AGPAT3: variants seen among roughly 807,000 people sequenced by gnomAD.
The protein encoded by AGPAT3 is 1-acyl-sn-glycerol-3-phosphate acyltransferase gamma.
Under a neutral mutation model 47.3 loss-of-function variants are expected in AGPAT3, and 5 were observed. The ratio of observed to expected loss-of-function variants is 0.11; its 90% CI spans 0.06 to 0.22. The LOEUF is 0.22. Ranked by LOEUF, AGPAT3 falls within the 10% of genes least tolerant of loss-of-function variation. The pLI, the probability that AGPAT3 is intolerant of heterozygous loss-of-function variation, is 1.00. For missense variants in AGPAT3, 315 were observed against 493.0 expected, an observed-to-expected ratio of 0.64 and a Z score of 3.42; for synonymous variants, 212 against 208.3, an observed-to-expected ratio of 1.02 and a Z score of -0.15.
intron 1 of AGPAT3, chr21:43,867,879 G>A (rs964756252): frequency 2.6e-5 from 4 of 151,908 alleles, no homozygotes; most frequent in African/African-American, 7.3e-5. Context: ...TTGGTTAACC[G>A]AAGAGTGTTT....
chr21:43,942,317 G>A (rs1243600818), intron 2 of AGPAT3, among the ~76,000 whole-genome samples: 2 of 152,216 alleles, frequency 1.3e-5, no homozygotes, highest in African/African-American at 2.4e-5. Flanking sequence ...ATGGCACCAC[G>A]GGTCCAGGGA....
intron 1 of AGPAT3, among the ~76,000 whole-genome samples, chr21:43,873,137 G>A (rs1273036129): frequency 6.6e-6 from 1 of 152,186 alleles, no homozygotes; most frequent in Non-Finnish European, 1.5e-5. Context: ...TGCACCTGCC[G>A]TGTGCTTCCC....
At position 43,984,273 on chromosome 21, in the gene AGPAT3, C is replaced by T. The variant is rs1337705046; in HGVS notation, c.*1881C>T. 1 of 152,312 alleles carries T rather than the reference C, an allele frequency of 6.6e-6. No individual in the cohort carries two copies. Among genetic ancestry groups the T allele is most frequent in the Non-Finnish European group, 1.5e-5 (1 of 68,108 alleles). 9.4% of individuals were successfully genotyped at this position (152,312 alleles called of 1,614,324 possible). On this transcript the variant is annotated 3_prime_UTR_variant, in exon 10 of 10. Transcript: ENST00000291572. ...GGCATGCGCTCCCCTGGCTGAGCAC[C>T]CCAGAGATTCTCCTGCACCTTCCTC...
At chr21:43,948,516 G>C (rs2088019912) in intron 2 of AGPAT3, among the ~76,000 whole-genome samples, 1 of 152,044 alleles carries the variant, frequency 6.6e-6, no homozygotes, top group Non-Finnish European at 1.5e-5. Context: ...CATATCCAAG[G>C]GTGAGCGCTG....
At chr21:43,897,590 C>T (rs1479083773) in intron 1 of AGPAT3, among the ~76,000 whole-genome samples, 28 of 127,688 alleles carry the variant, frequency 2.2e-4, no homozygotes, top group African/African-American at 5.1e-4. Context: ...CCAGACGGGG[C>T]GGCCGGGCAG....
Position 43,981,308 on chromosome 21 carries a change from C to A in AGPAT3, c.1042+121C>A. On this transcript the variant is annotated intron_variant, in intron 9 of 9. Coordinates refer to ENST00000291572, the MANE Select transcript of AGPAT3 (RefSeq NM_020132.5). This position sits in a 1 kb window ranked among gnomAD's most constrained non-coding sequence, Gnocchi z 5.3. Reference sequence around the variant, plus strand: ...GAGGCAGGGGCCTGGCTGTTATGGACCCTGGAGCCAGGATCCCCCCACGGC... The same window carrying A: ...GAGGCAGGGGCCTGGCTGTTATGGAACCTGGAGCCAGGATCCCCCCACGGC... The A allele has an allele frequency of 1.8e-6, 2 of 1,101,924 alleles. No homozygotes were observed. Among genetic ancestry groups the A allele is most frequent in the South Asian group, 1.4e-5 (1 of 73,174 alleles). The allele number at this position is 1,101,924 out of a possible 1,614,324, so 68.3% of individuals were successfully genotyped here. A position where few individuals can be genotyped will look rare whatever the true frequency, so the allele number is the denominator to read the frequency against.
At chr21:43,943,265 G>A (rs9979878) in intron 2 of AGPAT3, among the ~76,000 whole-genome samples, 4,245 of 152,086 alleles carry the variant, frequency 0.028, 196 homozygotes, top group African/African-American at 0.096. Flanking sequence ...TAATAGAGAC[G>A]GGGTTTCACC....
intron 7 of AGPAT3, among the ~76,000 whole-genome samples, chr21:43,972,437 C>T (rs915811240): frequency 6.6e-6 from 1 of 152,190 alleles, no homozygotes; most frequent in Non-Finnish European, 1.5e-5. Context: ...TGAGCCACCA[C>T]GTTGGGCCGA....
chr21:43,887,520 G>C (rs913505380), intron 1 of AGPAT3, among the ~76,000 whole-genome samples: 1 of 152,160 alleles, frequency 6.6e-6, no homozygotes, highest in Non-Finnish European at 1.5e-5. Context: ...GAAATATTTG[G>C]GTATAAAGTG....
At chr21:43,936,713 C>G (rs768803787) in intron 2 of AGPAT3, among the ~76,000 whole-genome samples, 1 of 152,220 alleles carries the variant, frequency 6.6e-6, no homozygotes, top group Non-Finnish European at 1.5e-5. Flanking sequence ...TTTTCCCGAC[C>G]GCAGCTCTTG....
intron 1 of AGPAT3, among the ~76,000 whole-genome samples, chr21:43,900,875 A>C (rs1237940217): frequency 6.6e-6 from 1 of 152,198 alleles, no homozygotes; most frequent in Non-Finnish European, 1.5e-5. Flanking sequence ...CCCAGAACAA[A>C]GCCCGGAGAT....
At chr21:43,963,777 G>C (rs568957536) in intron 3 of AGPAT3, among the ~76,000 whole-genome samples, 1 of 151,248 alleles carries the variant, frequency 6.6e-6, no homozygotes, top group Middle Eastern at 3.4e-3. Flanking sequence ...GGAGAACCAC[G>C]CTGGATGGTC....
At chr21:43,968,601 G>A (rs1044570702) in intron 4 of AGPAT3, among the ~76,000 whole-genome samples, 1 of 151,996 alleles carries the variant, frequency 6.6e-6, no homozygotes, top group Non-Finnish European at 1.5e-5. Context: ...CTCCTGGGGC[G>A]TCTCTTTGAG....
rs890085982 is a variant in AGPAT3, at chr21:43,908,827, C to A, written c.-49+4808C>A. Among the ~76,000 whole-genome samples the A allele has an allele frequency of 6.6e-6, 1 of 152,196 alleles. No individual in the cohort carries two copies. Among genetic ancestry groups the A allele is most frequent in the Non-Finnish European group, 1.5e-5 (1 of 68,036 alleles). ...CCTCGTCATTTCATTTCCTTCCATC[C>A]CTGTGGAGCGAACCCTGTTGTTTGC... On this transcript the variant is annotated intron_variant, in intron 2 of 9. Transcript: ENST00000291572. The surrounding 1 kb of genome is among the most constrained non-coding windows in gnomAD (Gnocchi z 4.9).
chr21:43,929,883 G>A (rs1296533513), intron 2 of AGPAT3, among the ~76,000 whole-genome samples: 2 of 152,240 alleles, frequency 1.3e-5, no homozygotes, highest in African/African-American at 4.8e-5. Flanking sequence ...AGGTAGACAG[G>A]TTGGTGAGAT....
intron 3 of AGPAT3, among the ~76,000 whole-genome samples, chr21:43,962,637 A>G (rs1213412100): frequency 6.6e-6 from 1 of 152,198 alleles, no homozygotes; most frequent in East Asian, 1.9e-4. Flanking sequence ...GCAGAAATGG[A>G]ATGTCAGCAC....
chr21:43,919,122 T>C (rs1411168303), intron 2 of AGPAT3, among the ~76,000 whole-genome samples: 1 of 152,206 alleles, frequency 6.6e-6, no homozygotes, highest in Non-Finnish European at 1.5e-5. Flanking sequence ...AATGTTAGGA[T>C]GCATGCTTGA....
At chr21:43,959,323 GGTT>G (rs1462358870) in intron 2 of AGPAT3, among the ~76,000 whole-genome samples, 8 of 133,154 alleles carry the variant, frequency 6.0e-5, no homozygotes, top group Admixed American at 3.7e-4. Flanking sequence ...GCGTGTGTGT[GGTT>G]GTGTGTGTGT....
chr21:43,950,897 T>C (rs533458659), intron 2 of AGPAT3: 2 of 152,426 alleles, frequency 1.3e-5, no homozygotes, highest in East Asian at 3.9e-4. Flanking sequence ...TTTTTCCTTA[T>C]GGGACACCTA....
Sources: allele counts gnomAD v4.1 joint callset (sites outside exome capture counted in the v4.1 genomes callset), GRCh38; gene constraint gnomAD v4.1.1; non-coding constraint Gnocchi (gnomAD v3.1); transcripts MANE v1.5; gene names NCBI Gene and HGNC (gene_info 2026-07-23, HGNC 2026-07-21).